PLPPR1: variants seen among roughly 807,000 people sequenced by gnomAD.
PLPPR1 encodes phospholipid phosphatase-related protein type 1.
In PLPPR1, 10 loss-of-function variants were observed where a neutral mutation model predicts 33.1. That is an observed-to-expected ratio of 0.30 (90% confidence interval 0.19 to 0.51). The LOEUF (loss-of-function observed/expected upper bound fraction) is 0.51. Among genes scored for constraint, PLPPR1 ranks in the 20% least tolerant of loss-of-function variants. The pLI is 0.97. For missense variants in PLPPR1, 304 were observed against 408.1 expected (o/e 0.74, Z 2.20); for synonymous variants, 151 against 151.0 (o/e 1.00, Z 0.00).
intron 1 of PLPPR1, among the ~76,000 whole-genome samples, chr9:101,065,283 C>T (rs1434713820): frequency 6.6e-6 from 1 of 152,014 alleles, no homozygotes; most frequent in Non-Finnish European, 1.5e-5. Flanking sequence ...TTCAGAACTT[C>T]TTATTTGAAA....
intron 1 of PLPPR1, among the ~76,000 whole-genome samples, chr9:101,085,117 C>T (rs1359890763): frequency 1.3e-5 from 2 of 152,124 alleles, no homozygotes; most frequent in Non-Finnish European, 2.9e-5. Flanking sequence ...TAGCCATGAT[C>T]TCCTGCTTTG....
At chr9:101,213,168 G>A (rs1229628530) in intron 2 of PLPPR1, among the ~76,000 whole-genome samples, 1 of 152,072 alleles carries the variant, frequency 6.6e-6, no homozygotes, top group Non-Finnish European at 1.5e-5. Context: ...TAGTCTACTC[G>A]ATCATTCCTT....
At chr9:101,303,576 C>T (rs937255694) in intron 4 of PLPPR1, among the ~76,000 whole-genome samples, 21 of 152,158 alleles carry the variant, frequency 1.4e-4, no homozygotes, top group African/African-American at 5.1e-4. Flanking sequence ...GCTGAGATTA[C>T]AGCATGAGCC....
At chr9:101,253,691 G>A (rs1421750905) in intron 2 of PLPPR1, among the ~76,000 whole-genome samples, 8 of 152,118 alleles carry the variant, frequency 5.3e-5, no homozygotes, top group Non-Finnish European at 4.4e-5. Flanking sequence ...TTTATTCAAC[G>A]TAAAACCTTC....
chr9:101,133,340 T>C (rs1831338418), intron 1 of PLPPR1, among the ~76,000 whole-genome samples: 1 of 152,204 alleles, frequency 6.6e-6, no homozygotes, highest in Non-Finnish European at 1.5e-5. Context: ...GAAAATTTGC[T>C]GTAATTAAAT....
At chr9:101,080,236 CTT>C (rs1830601297) in intron 1 of PLPPR1, among the ~76,000 whole-genome samples, 1 of 152,090 alleles carries the variant, frequency 6.6e-6, no homozygotes, top group African/African-American at 2.4e-5. Flanking sequence ...TGGATGGACT[CTT>C]TTCTTACAGA....
intron 1 of PLPPR1, among the ~76,000 whole-genome samples, chr9:101,171,117 T>G (rs1345363038): frequency 6.6e-6 from 1 of 152,070 alleles, no homozygotes; most frequent in South Asian, 2.1e-4. Context: ...GAACCAGACA[T>G]ATAAGTTCAA....
chr9:101,098,224 A>G (rs554433757), intron 1 of PLPPR1, among the ~76,000 whole-genome samples: 32 of 152,288 alleles, frequency 2.1e-4, no homozygotes, highest in Admixed American at 7.2e-4. Context: ...AAAGCAGTGG[A>G]AAGAGGCAGA....
intron 1 of PLPPR1, among the ~76,000 whole-genome samples, chr9:101,109,089 G>A (rs991859923): frequency 1.3e-5 from 2 of 149,034 alleles, no homozygotes; most frequent in African/African-American, 2.5e-5. Flanking sequence ...CTCCCAAGTA[G>A]CTGGGACTAC....
At position 101,324,761 on chromosome 9, in the gene PLPPR1, T is replaced by C. The variant is rs1829222435; in HGVS notation, c.*704T>C. 1 of 152,644 alleles carries C rather than the reference T, an allele frequency of 6.6e-6. No homozygotes were observed. 9.5% of individuals were successfully genotyped at this position (152,644 alleles called of 1,614,324 possible). A position where few individuals can be genotyped will look rare whatever the true frequency, so the allele number is the denominator to read the frequency against. On this transcript the variant is annotated 3_prime_UTR_variant, in exon 8 of 8. Transcript: ENST00000374874. ...TGGCAGGCAGGTGCCACTGTCAGCT[T>C]TTCTCCAAAAAGCAGCCAACATCAG... is the stretch of plus-strand genomic sequence containing the variant.
At chr9:101,154,353 G>A (rs1831644383) in intron 1 of PLPPR1, among the ~76,000 whole-genome samples, 1 of 152,022 alleles carries the variant, frequency 6.6e-6, no homozygotes. Context: ...ACTTTTTTTG[G>A]TTGGTAGACT....
Position 101,239,060 on chromosome 9 carries a change from AGTGTGTGT to A in PLPPR1, c.64-30799_64-30792del, listed in dbSNP as rs60620773. ...CTGAATAAATAGCTGAATTTCATTG[AGTGTGTGT>A]GTGTGTGTGTGTGTGTGTGTACATA... On this transcript the variant is annotated intron_variant, in intron 2 of 7. Transcript: ENST00000374874. 1.5e-3 allele frequency among the ~76,000 whole-genome samples: 218 copies of A among 147,528 alleles called. 1 individual carries two copies. Among genetic ancestry groups the A allele is most frequent in the African/African-American group, 4.8e-3 (194 of 40,220 alleles).
chr9:101,146,851 G>A (rs1437672806), intron 1 of PLPPR1, among the ~76,000 whole-genome samples: 4 of 152,140 alleles, frequency 2.6e-5, no homozygotes, highest in South Asian at 4.1e-4. Flanking sequence ...TTTATATTGC[G>A]ATATTGATAA....
At chr9:101,148,664 A>C (rs765547158) in intron 1 of PLPPR1, among the ~76,000 whole-genome samples, 10 of 152,088 alleles carry the variant, frequency 6.6e-5, no homozygotes, top group Non-Finnish European at 8.8e-5. Flanking sequence ...CCCAAAACAC[A>C]ATGTAGGTCT....
At chr9:101,280,543 G>T (rs1402704871) in intron 3 of PLPPR1, among the ~76,000 whole-genome samples, 1 of 151,902 alleles carries the variant, frequency 6.6e-6, no homozygotes, top group Non-Finnish European at 1.5e-5. Flanking sequence ...ATCTTCAACA[G>T]AATACTAGCA....
At chr9:101,064,119 A>C (rs1830379719) in intron 1 of PLPPR1, among the ~76,000 whole-genome samples, 1 of 152,166 alleles carries the variant, frequency 6.6e-6, no homozygotes, top group African/African-American at 2.4e-5. Flanking sequence ...AAACACAGTC[A>C]GTGCATCATT....
intron 1 of PLPPR1, among the ~76,000 whole-genome samples, chr9:101,036,592 C>T (rs1478956436): frequency 6.6e-6 from 1 of 150,710 alleles, no homozygotes; most frequent in African/African-American, 2.4e-5. Flanking sequence ...CATTTATAAA[C>T]TTGGCTGGTC....
intron 1 of PLPPR1, among the ~76,000 whole-genome samples, chr9:101,106,292 G>A (rs1460489139): frequency 4.4e-4 from 60 of 135,428 alleles, no homozygotes; most frequent in Non-Finnish European, 7.9e-4. Context: ...GGTACCGGTT[G>A]TTCCTTTCCA....
intron 1 of PLPPR1, among the ~76,000 whole-genome samples, chr9:101,078,751 A>G (rs762116830): frequency 3.9e-5 from 6 of 151,942 alleles, no homozygotes; most frequent in South Asian, 2.1e-4. Context: ...GCTCCAGTCT[A>G]TTTCCTTTTT....
Sources: gnomAD v4.1 joint callset for allele counts (sites outside exome capture counted in the v4.1 genomes callset) on GRCh38, gnomAD v4.1.1 for gene constraint, MANE v1.5 for transcripts, NCBI Gene and HGNC (gene_info 2026-07-23, HGNC 2026-07-21) for gene names.